The following CD96 variants were observed in gnomAD, a reference collection of about 807,000 sequenced individuals.
The protein encoded by CD96 is T-cell surface protein tactile.
In CD96, 70 loss-of-function variants were observed where a neutral mutation model predicts 71.3. The observed-to-expected ratio is 0.98, with a 90% confidence interval of 0.81 to 1.20. CD96 has a LOEUF of 1.20. CD96 is among the 50% of genes most tolerant of loss of function. The pLI, the probability that CD96 is intolerant of heterozygous loss-of-function variation, is 0.00. For missense variants in CD96, 742 were observed against 677.5 expected, an observed-to-expected ratio of 1.10 and a Z score of -1.06; for synonymous variants, 248 against 233.0, an observed-to-expected ratio of 1.06 and a Z score of -0.59.
intron 2 of CD96, among the ~76,000 whole-genome samples, chr3:111,548,295 T>C (rs1934517895): frequency 1.3e-5 from 2 of 152,332 alleles, no homozygotes; most frequent in South Asian, 4.1e-4. Context: ...GTCTAAATCC[T>C]GTTCCCATGT....
intron 5 of CD96, among the ~76,000 whole-genome samples, chr3:111,595,760 A>G (rs573040294): frequency 1.4e-4 from 21 of 151,728 alleles, no homozygotes; most frequent in African/African-American, 5.1e-4. Flanking sequence ...ATGTGTGTGT[A>G]TACATATTTA....
intron 14 of CD96, among the ~76,000 whole-genome samples, chr3:111,663,841 C>CG (rs1940415112): frequency 1.3e-5 from 2 of 151,654 alleles, no homozygotes; most frequent in South Asian, 4.2e-4. Context: ...CTCCACCTCC[C>CG]GGGTTCACGC....
intron 5 of CD96, among the ~76,000 whole-genome samples, chr3:111,589,199 C>G (rs544280845): frequency 1.1e-4 from 16 of 152,160 alleles, no homozygotes; most frequent in Non-Finnish European, 1.5e-4. Context: ...ATCCGCCCGC[C>G]TCGGCCTCCC....
intron 5 of CD96, among the ~76,000 whole-genome samples, chr3:111,590,104 G>A (rs1014211432): frequency 2.6e-5 from 4 of 152,198 alleles, no homozygotes; most frequent in African/African-American, 7.2e-5. Flanking sequence ...AGCAGATACT[G>A]TGGAATAATT....
At chr3:111,657,050 T>C (rs1183301367), downstream of CD96, among the ~76,000 whole-genome samples, 1 of 151,944 alleles carries the variant, frequency 6.6e-6, no homozygotes, top group Non-Finnish European at 1.5e-5. Flanking sequence ...AAACTATTTG[T>C]ATTTTAAATA....
intron 8 of CD96, among the ~76,000 whole-genome samples, chr3:111,613,327 AC>A (rs1372360233): frequency 3.9e-5 from 6 of 152,106 alleles, no homozygotes; most frequent in Non-Finnish European, 8.8e-5. Context: ...GAGTCCTGAA[AC>A]CCTTTCTGGA....
rs1417613430 is a variant in CD96 at position 111,591,987 on chromosome 3, A to G, written c.808-6133A>G. 2.0e-5 allele frequency among the ~76,000 whole-genome samples: 3 copies of G among 152,234 alleles called. No homozygotes were observed. In the East Asian group the frequency reaches 5.8e-4, roughly 29 times the overall value. On this transcript the variant is annotated intron_variant, in intron 5 of 13. Transcript: ENST00000352690. ...TTACACAAGGACATCCTCTGCTTCCAGAGAGGTTGGTGCCCACAAAGTACT... is the reference window on the plus strand; with the variant it reads ...TTACACAAGGACATCCTCTGCTTCCGGAGAGGTTGGTGCCCACAAAGTACT...
Position 111,574,616 on chromosome 3 carries a change from A to G in CD96, c.544-4411A>G, listed in dbSNP as rs144434803. On this transcript the variant is annotated intron_variant, in intron 3 of 13. Coordinates refer to ENST00000352690, the MANE Select transcript of CD96 (RefSeq NM_005816.5). ...AATAAGATCCCTTTCAGCAGTTATC[A>G]TGCTAATTATTTTATCAAGCTCCTA... Among the ~76,000 whole-genome samples, 560 of 152,290 alleles carry G rather than the reference A, an allele frequency of 3.7e-3. 2 individuals are homozygous for G. The highest frequency in any genetic ancestry group is 0.013 in the African/African-American group (529 of 41,556).
chr3:111,613,705 T>A (rs1041301833), intron 8 of CD96, among the ~76,000 whole-genome samples: 4 of 152,228 alleles, frequency 2.6e-5, no homozygotes, highest in African/African-American at 9.6e-5. Flanking sequence ...TAAGTCTAAG[T>A]CTGTGCTATG....
intron 5 of CD96, among the ~76,000 whole-genome samples, chr3:111,589,037 G>A (rs747019275): frequency 3.4e-5 from 5 of 148,334 alleles, no homozygotes; most frequent in East Asian, 2.0e-4. Flanking sequence ...TGCAAGCTCC[G>A]CCTCCTGGGT....
At chr3:111,568,327 T>C (rs986873228) in intron 3 of CD96, among the ~76,000 whole-genome samples, 36 of 152,226 alleles carry the variant, frequency 2.4e-4, no homozygotes, top group African/African-American at 8.7e-4. Flanking sequence ...TAGTGGTCTA[T>C]TATTTTGATG....
At chr3:111,555,642 C>T (rs886145972) in intron 2 of CD96, among the ~76,000 whole-genome samples, 39 of 152,378 alleles carry the variant, frequency 2.6e-4, no homozygotes, top group African/African-American at 8.9e-4. Flanking sequence ...CTTTCAATTG[C>T]TACTTTTATA....
chr3:111,655,569 A>G (rs1940209300), downstream of CD96, among the ~76,000 whole-genome samples: 1 of 152,186 alleles, frequency 6.6e-6, no homozygotes, highest in African/African-American at 2.4e-5. Flanking sequence ...TGCAGTAGAG[A>G]CCCTGATATC....
At chr3:111,640,834 G>A (rs1939555815) in intron 12 of CD96, among the ~76,000 whole-genome samples, 1 of 152,148 alleles carries the variant, frequency 6.6e-6, no homozygotes, top group Admixed American at 6.5e-5. Flanking sequence ...GACCTATCTT[G>A]AACCTCCTCA....
chr3:111,579,238 A>G lies in CD96; in HGVS notation c.751+4A>G, dbSNP rs779155409. 33 of 1,533,122 alleles carry G rather than the reference A, an allele frequency of 2.2e-5. No homozygotes were observed. Among genetic ancestry groups the G allele is most frequent in the Non-Finnish European group, 2.8e-5 (31 of 1,106,012 alleles). The allele number at this position is 1,533,122 out of a possible 1,614,324, so 95.0% of individuals were successfully genotyped here. On this transcript the variant is annotated splice_donor_region_variant and intron_variant, in intron 4 of 13. Coordinates refer to ENST00000352690, the MANE Select transcript of CD96 (RefSeq NM_005816.5). ...TCCACCACAGTCAAGGTTTTTGGTA[A>G]GGGCTTTTGTTCTACAGACTCACTG...
At chr3:111,602,818 A>G (rs895433895) in intron 7 of CD96, among the ~76,000 whole-genome samples, 1 of 152,220 alleles carries the variant, frequency 6.6e-6, no homozygotes, top group Non-Finnish European at 1.5e-5. Context: ...GCCATCCCTG[A>G]GTGCTAGATT....
chr3:111,624,650 G>A (rs1938662253), intron 10 of CD96, among the ~76,000 whole-genome samples: 1 of 152,218 alleles, frequency 6.6e-6, no homozygotes, highest in Non-Finnish European at 1.5e-5. Flanking sequence ...AAAGGCACAG[G>A]AGGGAGACAG....
At position 111,547,139 on chromosome 3, in the gene CD96, T is replaced by C. The variant is rs183208357; in HGVS notation, c.418+1737T>C. ...CTTACATAACAAATATGGATAATTA[T>C]AGTGCTTTCTTTACAGGTATCACTA... On this transcript the variant is annotated intron_variant, in intron 2 of 13. Coordinates refer to ENST00000352690, the MANE Select transcript of CD96 (RefSeq NM_005816.5). 1.1e-3 allele frequency among the ~76,000 whole-genome samples: 172 copies of C among 152,358 alleles called. 2 individuals are homozygous for C. The highest frequency in any genetic ancestry group is 6.0e-4 in the Non-Finnish European group (41 of 68,032).
At position 111,662,320 on chromosome 3, in the gene CD96, A is replaced by G. The variant is rs560885370; in HGVS notation, c.*53-3207A>G. Among the ~76,000 whole-genome samples the G allele has an allele frequency of 6.6e-5, 10 of 152,326 alleles. No homozygotes were observed. In the East Asian group the frequency reaches 1.9e-3, roughly 29 times the overall value. ...AGGTGCTGCTGTGAAGGTCTCTGAA[A>G]TGCCTTGGAGGCATTTTCCCCATTG... On this transcript the variant is annotated intron_variant and NMD_transcript_variant, in intron 14 of 14. Transcript: ENST00000494798.
Sources: allele counts gnomAD v4.1 joint callset (sites outside exome capture counted in the v4.1 genomes callset), GRCh38; gene constraint gnomAD v4.1.1; transcripts MANE v1.5; gene names NCBI Gene and HGNC (gene_info 2026-07-23, HGNC 2026-07-21).